Variants in EIF2B3 observed in about 807,000 individuals in gnomAD.
EIF2B3 encodes translation initiation factor eIF2B subunit gamma.
Under a neutral mutation model 54.1 loss-of-function variants are expected in EIF2B3, and 20 were observed. The observed-to-expected ratio is 0.37, with a 90% CI of 0.26 to 0.54. The LOEUF is 0.54. EIF2B3 is among the 20% of genes least tolerant of loss of function. The probability of loss-of-function intolerance (pLI) is 0.86; values close to 1 mark genes in which losing one functional copy is unlikely to be tolerated. For synonymous variants in EIF2B3, 153 were observed against 188.1 expected, an observed-to-expected ratio of 0.81 and a Z score of 1.52; for missense variants, 448 against 547.8, an observed-to-expected ratio of 0.82 and a Z score of 1.82.
intron 4 of EIF2B3, chr1:44,932,521 A>G (rs370846790): frequency 7.9e-5 from 12 of 152,320 alleles, no homozygotes; most frequent in African/African-American, 2.9e-4. Context: ...AAGAGACCTA[A>G]TACAACCTGG....
chr1:44,919,094 T>A (rs1358684554), intron 5 of EIF2B3, among the ~76,000 whole-genome samples: 3 of 152,156 alleles, frequency 2.0e-5, no homozygotes, highest in African/African-American at 7.2e-5. Flanking sequence ...ATGCCTGTAA[T>A]CCTAGCACTT....
intron 3 of EIF2B3, among the ~76,000 whole-genome samples, chr1:44,974,012 A>G (rs539064041): frequency 4.6e-5 from 7 of 152,246 alleles, no homozygotes; most frequent in African/African-American, 1.7e-4. Context: ...GGTACTCCAG[A>G]AAGCAACACA....
At chr1:44,933,545 G>A (rs1643915859) in intron 4 of EIF2B3, among the ~76,000 whole-genome samples, 1 of 152,118 alleles carries the variant, frequency 6.6e-6, no homozygotes, top group Non-Finnish European at 1.5e-5. Flanking sequence ...TCTAAGTGGG[G>A]TGAGGATAGA....
intron 4 of EIF2B3, among the ~76,000 whole-genome samples, chr1:44,933,210 G>T (rs1643912488): frequency 6.6e-6 from 1 of 151,856 alleles, no homozygotes; most frequent in African/African-American, 2.4e-5. Context: ...AACAAAAGGA[G>T]GAAAGAGAAA....
chr1:44,916,810 CAAAAA>C (rs58666630), intron 5 of EIF2B3, among the ~76,000 whole-genome samples: 1 of 111,338 alleles, frequency 9.0e-6, no homozygotes, highest in Non-Finnish European at 1.9e-5. Flanking sequence ...GATTCTGTCG[CAAAAA>C]AAAAAAAAGA....
At chr1:44,964,249 G>C (rs1344357329) in intron 3 of EIF2B3, among the ~76,000 whole-genome samples, 1 of 152,080 alleles carries the variant, frequency 6.6e-6, no homozygotes, top group Non-Finnish European at 1.5e-5. Context: ...ATTACACTGA[G>C]GCTGTCGTAA....
intron 3 of EIF2B3, chr1:44,959,048 T>G: frequency 1.3e-6 from 1 of 746,798 alleles, no homozygotes; most frequent in Non-Finnish European, 2.4e-6. Flanking sequence ...GAGAAACTTA[T>G]GGAACGCCAT....
intron 2 of EIF2B3, among the ~76,000 whole-genome samples, chr1:44,978,753 C>T (rs554088438): frequency 6.7e-6 from 1 of 150,136 alleles, no homozygotes; most frequent in South Asian, 2.1e-4. Context: ...CCTCCCACCT[C>T]AGCCTCCCAA....
intron 5 of EIF2B3, among the ~76,000 whole-genome samples, chr1:44,917,442 G>A (rs933395426): frequency 3.4e-5 from 5 of 147,454 alleles, no homozygotes; most frequent in South Asian, 2.1e-4. Context: ...GCGGTGAGCC[G>A]AGATCACGCC....
chr1:44,874,867 A>C, intron 9 of EIF2B3, 41 bp from the exon 10 acceptor site: 1 of 1,613,478 alleles, frequency 6.2e-7, no homozygotes, highest in Non-Finnish European at 8.5e-7. Flanking sequence ...ACCCATCTCA[A>C]CCAACTGCAA....
At chr1:44,981,995 C>T (rs1459819429) in intron 1 of EIF2B3, among the ~76,000 whole-genome samples, 1 of 147,378 alleles carries the variant, frequency 6.8e-6, no homozygotes, top group East Asian at 2.0e-4. Context: ...AGATGCCTGA[C>T]TAGAATTAAC....
chr1:44,853,122 C>G (rs557874501), intron 11 of EIF2B3, among the ~76,000 whole-genome samples: 25 of 152,086 alleles, frequency 1.6e-4, no homozygotes, highest in African/African-American at 2.4e-5. Flanking sequence ...ACCCTGGAAG[C>G]TGATCAATGA....
intron 9 of EIF2B3, 67 bp from the exon 10 acceptor site, chr1:44,874,893 C>T: frequency 6.3e-7 from 1 of 1,595,668 alleles, no homozygotes; most frequent in South Asian, 1.1e-5. Context: ...CCTCCAGATC[C>T]CTCAAGCTGG....
At chr1:44,965,716 T>G (rs1254115856) in intron 3 of EIF2B3, among the ~76,000 whole-genome samples, 2 of 144,316 alleles carry the variant, frequency 1.4e-5, no homozygotes. Flanking sequence ...CTCAGCTCAC[T>G]GCAACCTCTG....
At chr1:44,979,016 T>C (rs1406460918) in intron 2 of EIF2B3, among the ~76,000 whole-genome samples, 1 of 151,932 alleles carries the variant, frequency 6.6e-6, no homozygotes, top group Admixed American at 6.6e-5. Flanking sequence ...CTGGGCGCAG[T>C]GGCTCATGCC....
chr1:44,862,921 T>C (rs1184770776), intron 10 of EIF2B3: 1 of 152,186 alleles, frequency 6.6e-6, no homozygotes, highest in African/African-American at 2.4e-5. Flanking sequence ...AACTGAATCC[T>C]TTCAGCAAAC....
chr1:44,977,626 A>G (rs1285053841), intron 3 of EIF2B3, among the ~76,000 whole-genome samples: 2 of 151,998 alleles, frequency 1.3e-5, no homozygotes, highest in Non-Finnish European at 2.9e-5. Context: ...CGCCATGCCC[A>G]GCTAATTTTT....
At chr1:44,943,715 C>T (rs984482424) in intron 3 of EIF2B3, among the ~76,000 whole-genome samples, 2 of 152,132 alleles carry the variant, frequency 1.3e-5, no homozygotes, top group East Asian at 1.9e-4. Flanking sequence ...TGAGCCACCG[C>T]GCCTAGCCCA....
chr1:44,941,746 C>T (rs1644025367), intron 3 of EIF2B3, 81 bp from the exon 4 acceptor site: 8 of 1,494,458 alleles, frequency 5.4e-6, no homozygotes, highest in Non-Finnish European at 7.4e-6. Flanking sequence ...ATTAGGATGG[C>T]TTAAAACCAC....
Sources: gnomAD v4.1 joint callset for allele counts (sites outside exome capture counted in the v4.1 genomes callset) on GRCh38, gnomAD v4.1.1 for gene constraint, MANE v1.5 for transcripts, NCBI Gene and HGNC (gene_info 2026-07-23, HGNC 2026-07-21) for gene names.